Variants in RGS7 observed in about 807,000 individuals in gnomAD.
RGS7 encodes regulator of G-protein signaling 7.
RGS7 carries 27 observed loss-of-function variants against 81.1 expected under a neutral mutation model. That is an observed-to-expected ratio of 0.33 (90% CI 0.25 to 0.46). The LOEUF is 0.46. Among genes scored for constraint, RGS7 ranks in the 20% least tolerant of loss-of-function variants. RGS7 has a pLI of 1.00. For missense variants in RGS7, 396 were observed against 607.4 expected (o/e 0.65, Z 3.66); for synonymous variants, 208 against 207.7 (o/e 1.00, Z -0.01).
chr1:241,241,316 A>C (rs2076247995), intron 2 of RGS7, among the ~76,000 whole-genome samples: 1 of 152,002 alleles, frequency 6.6e-6, no homozygotes, highest in Admixed American at 6.5e-5. Flanking sequence ...GTTGGTGCAA[A>C]TGTAATTGTG....
intron 2 of RGS7, among the ~76,000 whole-genome samples, chr1:241,135,960 CAA>C (rs61617683): frequency 8.1e-5 from 6 of 74,334 alleles, no homozygotes; most frequent in Admixed American, 4.3e-4. Flanking sequence ...ATGATAATGA[CAA>C]AAAAAAAAAA....
intron 9 of RGS7, among the ~76,000 whole-genome samples, chr1:240,833,803 G>A (rs1264449058): frequency 2.0e-5 from 3 of 151,814 alleles, no homozygotes; most frequent in African/African-American, 7.3e-5. Context: ...TTCAGTCTCA[G>A]GACTTTTTTT....
At position 241,217,619 on chromosome 1, in the gene RGS7, G is replaced by A. The variant is rs1021436014; in HGVS notation, c.79-118857C>T. Among the ~76,000 whole-genome samples the A allele has an allele frequency of 4.6e-5, 7 of 152,186 alleles. No homozygotes were observed. The East Asian group carries it at 1.2e-3, about 25-fold the overall frequency. ...GCCAACAAAAGCCTTCTAAATGCAC[G>A]TTTTAGACTTTCCTTTTACCTTTTC... On this transcript the variant is annotated intron_variant, in intron 2 of 18. Coordinates refer to ENST00000440928, the MANE Select transcript of RGS7 (RefSeq NM_001364886.1).
At chr1:240,782,058 C>G (rs1462694956) in intron 18 of RGS7, among the ~76,000 whole-genome samples, 3 of 151,692 alleles carry the variant, frequency 2.0e-5, no homozygotes, top group Non-Finnish European at 4.4e-5. Flanking sequence ...GAGGTCAAAG[C>G]AGACAGCATG....
intron 9 of RGS7, among the ~76,000 whole-genome samples, chr1:240,836,581 G>A (rs1694771144): frequency 6.6e-6 from 1 of 152,194 alleles, no homozygotes; most frequent in Non-Finnish European, 1.5e-5. Context: ...GTGAAAAGAA[G>A]AGAGGAATCC....
chr1:241,016,350 T>G (rs949012915), intron 3 of RGS7, among the ~76,000 whole-genome samples: 1 of 151,940 alleles, frequency 6.6e-6, no homozygotes. Context: ...AGACCCTGTC[T>G]CTACTAAAAA....
At chr1:241,156,422 C>G (rs773321591) in intron 2 of RGS7, among the ~76,000 whole-genome samples, 3 of 151,834 alleles carry the variant, frequency 2.0e-5, no homozygotes, top group Non-Finnish European at 4.4e-5. Flanking sequence ...AAGAGGATCA[C>G]AGGAGCCCAG....
intron 6 of RGS7, among the ~76,000 whole-genome samples, chr1:240,895,800 C>T (rs2148169565): frequency 6.6e-6 from 1 of 152,288 alleles, no homozygotes; most frequent in East Asian, 1.9e-4. Flanking sequence ...TAGGTATATA[C>T]CCAGTAATGG....
At chr1:241,204,383 T>C (rs774977272) in intron 2 of RGS7, among the ~76,000 whole-genome samples, 1 of 152,178 alleles carries the variant, frequency 6.6e-6, no homozygotes, top group Non-Finnish European at 1.5e-5. Flanking sequence ...AGGGGGTGGA[T>C]AGATAAGATG....
chr1:240,822,389 C>T (rs547016889), intron 10 of RGS7, among the ~76,000 whole-genome samples: 29 of 152,118 alleles, frequency 1.9e-4, no homozygotes, highest in Non-Finnish European at 3.5e-4. Flanking sequence ...ATTGAAGCAG[C>T]TCTGTACGAA....
intron 3 of RGS7, among the ~76,000 whole-genome samples, chr1:241,007,717 G>C (rs1459587989): frequency 2.0e-5 from 3 of 152,186 alleles, no homozygotes; most frequent in African/African-American, 7.2e-5. Context: ...GATGATACTT[G>C]AAATTTGAAG....
At chr1:241,224,696 A>C (rs376358070) in intron 2 of RGS7, among the ~76,000 whole-genome samples, 1 of 152,182 alleles carries the variant, frequency 6.6e-6, no homozygotes, top group African/African-American at 2.4e-5. Context: ...TAGTGGATAG[A>C]GTACTTCCTG....
At chr1:241,005,337 T>C (rs1347864509) in intron 3 of RGS7, among the ~76,000 whole-genome samples, 1 of 152,176 alleles carries the variant, frequency 6.6e-6, no homozygotes, top group Non-Finnish European at 1.5e-5. Flanking sequence ...TTCTGACAAA[T>C]GTATGCACCA....
intron 2 of RGS7, among the ~76,000 whole-genome samples, chr1:241,278,902 T>C (rs1469184573): frequency 1.3e-5 from 2 of 152,208 alleles, no homozygotes; most frequent in African/African-American, 2.4e-5. Flanking sequence ...TTATGTTTCC[T>C]GTTTCTAATC....
rs560849136 is a variant in RGS7 at position 241,127,923 on chromosome 1, G to GA, written c.79-29162dup. Among the ~76,000 whole-genome samples, 178 of 151,912 alleles carry GA rather than the reference G, an allele frequency of 1.2e-3. 1 individual carries two copies. The highest frequency in any genetic ancestry group is 4.2e-3 in the African/African-American group (173 of 41,462). ...ACACTGAGCTTTTAAAAGTATACTT[G>GA]AAAAAAAAGTACAGTTGCATAGATT... On this transcript the variant is annotated intron_variant, in intron 2 of 18. Transcript: ENST00000440928.
rs144685680 is a variant in RGS7, at chr1:241,193,854, T to C, written c.79-95092A>G. ...CTTTCCCAGAAACTCAGATTTCCTTTGATATAATTCACTATTAATTTTCAC... is the reference window on the plus strand; with the variant it reads ...CTTTCCCAGAAACTCAGATTTCCTTCGATATAATTCACTATTAATTTTCAC... On this transcript the variant is annotated intron_variant, in intron 2 of 18. Transcript: ENST00000440928. Among the ~76,000 whole-genome samples, 620 of 152,360 alleles carry C rather than the reference T, an allele frequency of 4.1e-3. 3 individuals carry two copies. Among genetic ancestry groups the C allele is most frequent in the African/African-American group, 0.014 (580 of 41,592 alleles).
At chr1:241,195,974 A>C (rs114389591) in intron 2 of RGS7, among the ~76,000 whole-genome samples, 1,624 of 152,240 alleles carry the variant, frequency 0.011, 14 homozygotes, top group African/African-American at 0.021. Context: ...CTGATCAAAT[A>C]CTTTATTCAA....
At chr1:241,222,160 G>A (rs890317126) in intron 2 of RGS7, among the ~76,000 whole-genome samples, 1 of 152,184 alleles carries the variant, frequency 6.6e-6, no homozygotes, top group Non-Finnish European at 1.5e-5. Flanking sequence ...ACTGAAATTT[G>A]TGGTTGTGAT....
chr1:241,117,123 G>A (rs1295539267), intron 2 of RGS7, among the ~76,000 whole-genome samples: 12 of 152,248 alleles, frequency 7.9e-5, no homozygotes, highest in East Asian at 1.9e-4. Context: ...AAAAATGCAT[G>A]TCAGCTTTCT....
Sources: allele counts gnomAD v4.1 joint callset (sites outside exome capture counted in the v4.1 genomes callset), GRCh38; gene constraint gnomAD v4.1.1; transcripts MANE v1.5; gene names NCBI Gene and HGNC (gene_info 2026-07-23, HGNC 2026-07-21).